The following SFT2D2 variants were observed in gnomAD, a reference collection of about 807,000 sequenced individuals.
The protein encoded by SFT2D2 is vesicle transport protein SFT2B.
A neutral mutation model predicts 27.4 loss-of-function variants in SFT2D2; 21 were observed. The ratio of observed to expected loss-of-function variants is 0.77; its 90% CI spans 0.54 to 1.10. The LOEUF (loss-of-function observed/expected upper bound fraction) is 1.10. Among genes scored for constraint, SFT2D2 ranks in the 50% least tolerant of loss-of-function variants. The pLI, the probability that SFT2D2 is intolerant of heterozygous loss-of-function variation, is 0.00. For synonymous variants in SFT2D2, 72 were observed against 71.7 expected (o/e 1.00, Z -0.02); for missense variants, 187 against 194.2 (o/e 0.96, Z 0.22).
rs1052836184 is a variant in SFT2D2, at chr1:168,245,670, C to T, written c.*3130C>T. On this transcript the variant is annotated 3_prime_UTR_variant, in exon 8 of 8. Coordinates refer to ENST00000271375, the MANE Select transcript of SFT2D2 (RefSeq NM_199344.3). ...TAACTCTCCTGCTGTGCAGCTGGTTCCTAACAGGTCATGGACCTGTCCATG... is the reference window on the plus strand; with the variant it reads ...TAACTCTCCTGCTGTGCAGCTGGTTTCTAACAGGTCATGGACCTGTCCATG... 6.8e-6 allele frequency: 1 copy of T among 146,580 alleles called. No homozygotes were observed. Among genetic ancestry groups the T allele is most frequent in the Non-Finnish European group, 1.5e-5 (1 of 67,434 alleles). The allele number at this position is 146,580 out of a possible 1,614,324, so 9.1% of individuals were successfully genotyped here. A position where few individuals can be genotyped will look rare whatever the true frequency, so the allele number is the denominator to read the frequency against.
chr1:168,237,883 A>T (rs868720391), intron 6 of SFT2D2, among the ~76,000 whole-genome samples: 3 of 149,890 alleles, frequency 2.0e-5, no homozygotes, highest in African/African-American at 7.4e-5. Flanking sequence ...TTTAAATGAC[A>T]TGCACATTTG....
chr1:168,234,045 A>G (rs1647407438), intron 3 of SFT2D2, among the ~76,000 whole-genome samples: 2 of 152,194 alleles, frequency 1.3e-5, no homozygotes, highest in Non-Finnish European at 2.9e-5. Context: ...GTTAGACATG[A>G]CAGTCTGCTT....
At position 168,243,442 on chromosome 1, in the gene SFT2D2, T is replaced by C. The variant is rs1346509272; in HGVS notation, c.*902T>C. On this transcript the variant is annotated 3_prime_UTR_variant, in exon 8 of 8. Coordinates refer to ENST00000271375, the MANE Select transcript of SFT2D2 (RefSeq NM_199344.3). Reference sequence around the variant, plus strand: ...CCCCTGGAGTTGGGCCAGGGGAGAGTGGGGTGGGAAGACAGATCCCTGCTG... The same window carrying C: ...CCCCTGGAGTTGGGCCAGGGGAGAGCGGGGTGGGAAGACAGATCCCTGCTG... The C allele has an allele frequency of 6.6e-6, 1 of 151,498 alleles. No homozygotes were observed. The highest frequency in any genetic ancestry group is 1.5e-5 in the Non-Finnish European group (1 of 67,882). 9.4% of individuals were successfully genotyped at this position (151,498 alleles called of 1,614,324 possible).
In SFT2D2 at chr1:168,248,986, T is replaced by C. The variant is rs1466144817; in HGVS notation, c.*6446T>C. ...TATTTGATTCTTCTCTCTTTTCTTC[T>C]TTATTAGTCTGGCTAGCAGTCTATC... On this transcript the variant is annotated 3_prime_UTR_variant, in exon 8 of 8. Coordinates refer to ENST00000271375, the MANE Select transcript of SFT2D2 (RefSeq NM_199344.3). The C allele has an allele frequency of 6.6e-6, 1 of 152,212 alleles. No homozygotes were observed. The highest frequency in any genetic ancestry group is 2.4e-5 in the African/African-American group (1 of 41,462). The allele number at this position is 152,212 out of a possible 1,614,324, so 9.4% of individuals were successfully genotyped here. A position where few individuals can be genotyped will look rare whatever the true frequency, so the allele number is the denominator to read the frequency against.
At chr1:168,231,435 A>G (rs1647287424) in intron 1 of SFT2D2, 79 bp from the exon 2 acceptor site, 1 of 1,239,530 alleles carries the variant, frequency 8.1e-7, no homozygotes, top group South Asian at 1.3e-5. Flanking sequence ...ACAACTTAAC[A>G]CTTTCTAGAT....
chr1:168,230,846 T>C (rs1246499201), intron 1 of SFT2D2, among the ~76,000 whole-genome samples: 2 of 152,158 alleles, frequency 1.3e-5, no homozygotes, highest in Non-Finnish European at 2.9e-5. Context: ...GTAGTGTTTT[T>C]GGAACTCCTG....
At chr1:168,234,525 TCA>T (rs1022168481) in intron 3 of SFT2D2, among the ~76,000 whole-genome samples, 27 of 152,080 alleles carry the variant, frequency 1.8e-4, no homozygotes, top group African/African-American at 5.8e-4. Flanking sequence ...AATACATAAC[TCA>T]CAAAGTTGTT....
rs1367282128 is a variant in SFT2D2 at position 168,242,782 on chromosome 1, T to G, written c.*242T>G. 3 of 526,718 alleles carry G rather than the reference T, an allele frequency of 5.7e-6. No individual in the cohort carries two copies. In the African/African-American group the frequency reaches 5.8e-5, roughly 10 times the overall value. The allele number at this position is 526,718 out of a possible 1,614,324, so 32.6% of individuals were successfully genotyped here. ...ATCTTGTGGAGTGGAATCTTCCTCA[T>G]GTACCTGTTTCCTCTCTGGATGTTG... On this transcript the variant is annotated 3_prime_UTR_variant, in exon 8 of 8. Transcript: ENST00000271375.
chr1:168,233,776 T>G (rs1432375152), intron 3 of SFT2D2, among the ~76,000 whole-genome samples: 1 of 152,202 alleles, frequency 6.6e-6, no homozygotes, highest in East Asian at 1.9e-4. Flanking sequence ...ATAGACTGTG[T>G]AGGGAAATAA....
rs904263067 is a variant in SFT2D2, at chr1:168,245,025, A to G, written c.*2485A>G. Reference sequence around the variant, plus strand: ...GTTTTCCCCTAAGATTGAGAATAAGACAGAGATGTCAACTCTTACCACTTC... The same window carrying G: ...GTTTTCCCCTAAGATTGAGAATAAGGCAGAGATGTCAACTCTTACCACTTC... On this transcript the variant is annotated 3_prime_UTR_variant, in exon 8 of 8. Transcript: ENST00000271375. The G allele has an allele frequency of 6.6e-6, 1 of 152,192 alleles. No individual in the cohort carries two copies. Among genetic ancestry groups the G allele is most frequent in the Admixed American group, 6.5e-5 (1 of 15,284 alleles). 9.4% of individuals were successfully genotyped at this position (152,192 alleles called of 1,614,324 possible).
intron 6 of SFT2D2, 47 bp from the exon 7 acceptor site, chr1:168,239,084 C>A: frequency 7.1e-7 from 1 of 1,409,596 alleles, no homozygotes. Context: ...GGATAATCTG[C>A]TACTCCCTTC....
At chr1:168,234,269 C>T (rs1205637570) in intron 3 of SFT2D2, among the ~76,000 whole-genome samples, 1 of 151,982 alleles carries the variant, frequency 6.6e-6, no homozygotes, top group Non-Finnish European at 1.5e-5. Context: ...TGGCGTGTGC[C>T]TGTAGTCCCA....
Position 168,235,115 on chromosome 1 carries a change from T to C in SFT2D2, c.251T>C (p.Met84Thr), listed in dbSNP as rs1647455727. The change falls in exon 4 of 8, where the codon ATG becomes ACG. Residue 84 changes from methionine to threonine, a missense_variant. Transcript: ENST00000271375. ...IASIGSTIFL[M>T]GPVKQLKRMF... is the part of the protein sequence containing the mutation. Reference sequence around the variant, plus strand: ...TTGCCTTTTAGTACCATCTTCCTCATGGGACCAGTGAAACAGCTGAAGCGA... The same window carrying C: ...TTGCCTTTTAGTACCATCTTCCTCACGGGACCAGTGAAACAGCTGAAGCGA... The C allele has an allele frequency of 6.2e-7, 1 of 1,614,216 alleles. No homozygotes were observed. The highest frequency in any genetic ancestry group is 8.5e-7 in the Non-Finnish European group (1 of 1,180,026).
Position 168,250,353 on chromosome 1 carries a change from G to C in SFT2D2, c.*7813G>C, listed in dbSNP as rs547846244. On this transcript the variant is annotated 3_prime_UTR_variant, in exon 8 of 8. Coordinates refer to ENST00000271375, the MANE Select transcript of SFT2D2 (RefSeq NM_199344.3). ...GCAGTGATTAAAAGCAACCTGATGA[G>C]TGAGTAAAGAATTAGGGTTTCAGAC... 1 of 152,376 alleles carries C rather than the reference G, an allele frequency of 6.6e-6. No individual in the cohort carries two copies. The highest frequency in any genetic ancestry group is 2.1e-4 in the South Asian group (1 of 4,822). The allele number at this position is 152,376 out of a possible 1,614,324, so 9.4% of individuals were successfully genotyped here. A position where few individuals can be genotyped will look rare whatever the true frequency, so the allele number is the denominator to read the frequency against.
At chr1:168,239,647 C>A (rs564529491) in intron 7 of SFT2D2, among the ~76,000 whole-genome samples, 2 of 151,796 alleles carry the variant, frequency 1.3e-5, no homozygotes, top group Non-Finnish European at 2.9e-5. Context: ...TCTCTTGACC[C>A]CTCTGGCCTC....
intron 3 of SFT2D2, among the ~76,000 whole-genome samples, chr1:168,232,423 C>G (rs943028295): frequency 1.3e-5 from 2 of 152,238 alleles, no homozygotes; most frequent in African/African-American, 4.8e-5. Context: ...CAAGCTCATT[C>G]ACACTGATGC....
At chr1:168,239,878 TA>T (rs1016145028) in intron 7 of SFT2D2, among the ~76,000 whole-genome samples, 1 of 151,540 alleles carries the variant, frequency 6.6e-6, no homozygotes, top group Non-Finnish European at 1.5e-5. Context: ...ACAAGCTTTT[TA>T]AAAAAACTGT....
intron 1 of SFT2D2, among the ~76,000 whole-genome samples, chr1:168,228,440 T>A (rs1700482662): frequency 6.6e-6 from 1 of 152,224 alleles, no homozygotes; most frequent in African/African-American, 2.4e-5. Context: ...CTATTTCTCC[T>A]ACCTCTCCTA....
chr1:168,232,809 T>C (rs1572451886), intron 3 of SFT2D2, among the ~76,000 whole-genome samples: 1 of 152,108 alleles, frequency 6.6e-6, no homozygotes, highest in Admixed American at 6.6e-5. Context: ...TATAACAAGA[T>C]ATGGAAAGAA....
Sources: gnomAD v4.1 joint callset for allele counts (sites outside exome capture counted in the v4.1 genomes callset) on GRCh38, gnomAD v4.1.1 for gene constraint, MANE v1.5 for transcripts, NCBI Gene and HGNC (gene_info 2026-07-23, HGNC 2026-07-21) for gene names.